CCDC178: variants seen among roughly 807,000 people sequenced by gnomAD.
The protein encoded by CCDC178 is coiled-coil domain-containing protein 178.
A neutral mutation model predicts 117.4 loss-of-function variants in CCDC178; 126 were observed. That is an observed-to-expected ratio of 1.07 (90% confidence interval 0.93 to 1.24). The LOEUF (loss-of-function observed/expected upper bound fraction) is 1.24. Ranked by LOEUF, CCDC178 falls within the 50% of genes most tolerant of loss-of-function variation. The probability of loss-of-function intolerance (pLI) is 0.00; values close to 1 mark genes in which losing one functional copy is unlikely to be tolerated. For synonymous variants in CCDC178, 283 were observed against 313.4 expected (o/e 0.90, Z 1.02); for missense variants, 1,030 against 986.9 (o/e 1.04, Z -0.59).
chr18:33,208,967 A>G (rs1568057224), intron 20 of CCDC178, among the ~76,000 whole-genome samples: 1 of 152,082 alleles, frequency 6.6e-6, no homozygotes, highest in Non-Finnish European at 1.5e-5. Flanking sequence ...AGGGGACAGC[A>G]AATCTATGGA....
chr18:33,039,187 A>T (rs1298648638), intron 21 of CCDC178, among the ~76,000 whole-genome samples: 1 of 152,038 alleles, frequency 6.6e-6, no homozygotes, highest in Non-Finnish European at 1.5e-5. Context: ...AAAACACTTA[A>T]TGGGCTGAGG....
chr18:33,223,232 C>G lies in CCDC178; in HGVS notation c.1819-13G>C, dbSNP rs1484599143. On this transcript the variant is annotated splice_polypyrimidine_tract_variant and intron_variant, in intron 17 of 22. Transcript: ENST00000383096. ...TATTATTAAGCATCTAGAAGACATT[C>G]AGATATTAAGATGTGCAGCATTTGC... 1 of 1,583,812 alleles carries G rather than the reference C, an allele frequency of 6.3e-7. No individual in the cohort carries two copies. Among genetic ancestry groups the G allele is most frequent in the South Asian group, 1.2e-5 (1 of 86,526 alleles).
intron 18 of CCDC178, among the ~76,000 whole-genome samples, chr18:33,218,452 T>C (rs2059193701): frequency 6.6e-6 from 1 of 152,202 alleles, no homozygotes; most frequent in African/African-American, 2.4e-5. Context: ...GCTCTTTAGT[T>C]TAATTAGATC....
At chr18:33,052,134 G>T (rs1459844737) in intron 21 of CCDC178, among the ~76,000 whole-genome samples, 2 of 151,946 alleles carry the variant, frequency 1.3e-5, no homozygotes, top group African/African-American at 4.8e-5. Context: ...TTTTTTTTTA[G>T]AAGAAGCTAA....
intron 7 of CCDC178, among the ~76,000 whole-genome samples, chr18:33,352,920 T>C (rs558100681): frequency 6.6e-6 from 1 of 152,220 alleles, no homozygotes; most frequent in Non-Finnish European, 1.5e-5. Flanking sequence ...TATAAACTGG[T>C]TAGGTCTTGT....
At chr18:33,119,926 A>G (rs901300188) in intron 20 of CCDC178, among the ~76,000 whole-genome samples, 9 of 152,110 alleles carry the variant, frequency 5.9e-5, no homozygotes, top group African/African-American at 2.2e-4. Context: ...TCAGCAAACT[A>G]TCACAAGGAC....
intron 20 of CCDC178, among the ~76,000 whole-genome samples, chr18:33,133,262 GTTA>G (rs992949324): frequency 4.6e-5 from 7 of 151,850 alleles, no homozygotes; most frequent in East Asian, 3.9e-4. Context: ...GACTTTGTAT[GTTA>G]TTATAGAGTT....
At chr18:33,231,482 C>A (rs1310279645) in intron 15 of CCDC178, among the ~76,000 whole-genome samples, 1 of 152,150 alleles carries the variant, frequency 6.6e-6, no homozygotes, top group Non-Finnish European at 1.5e-5. Flanking sequence ...CATTTGTGCT[C>A]ATTATCTAAT....
At chr18:33,355,711 G>A (rs1183122136) in intron 7 of CCDC178, among the ~76,000 whole-genome samples, 2 of 152,130 alleles carry the variant, frequency 1.3e-5, no homozygotes, top group African/African-American at 4.8e-5. Context: ...ATAGCCTCAG[G>A]CTGCTATGGC....
At position 33,151,461 on chromosome 18, in the gene CCDC178, C is replaced by T. The variant is rs1334996919; in HGVS notation, c.2239-58551G>A. ...CGGAAAAGCTTAAATACAAACAAGA[C>T]TTTGCAGAAAACATAAAAAAGCAAA... On this transcript the variant is annotated intron_variant, in intron 20 of 22. Transcript: ENST00000383096. Among the ~76,000 whole-genome samples the T allele has an allele frequency of 1.2e-4, 19 of 152,068 alleles. 1 individual carries two copies. Among genetic ancestry groups the T allele is most frequent in the Admixed American group, 1.2e-3 (19 of 15,278 alleles).
At chr18:33,128,298 A>T (rs1356973771) in intron 20 of CCDC178, among the ~76,000 whole-genome samples, 3 of 152,312 alleles carry the variant, frequency 2.0e-5, no homozygotes, top group African/African-American at 7.2e-5. Context: ...ATAATTTTAT[A>T]ATGCTTTTAA....
chr18:32,998,003 TAAG>T (rs747306039), intron 21 of CCDC178, among the ~76,000 whole-genome samples: 5 of 152,196 alleles, frequency 3.3e-5, no homozygotes, highest in Non-Finnish European at 7.3e-5. Context: ...TGTACCTTCA[TAAG>T]AACCACAAAT....
chr18:33,245,475 C>T (rs1381506290), intron 14 of CCDC178, 47 bp from the exon 15 acceptor site: 3 of 1,302,716 alleles, frequency 2.3e-6, no homozygotes, highest in East Asian at 2.9e-5. Context: ...TATAGTGAGA[C>T]AAACATATTT....
At chr18:33,301,771 T>C (rs774498027) in intron 11 of CCDC178, among the ~76,000 whole-genome samples, 12 of 152,196 alleles carry the variant, frequency 7.9e-5, no homozygotes, top group Non-Finnish European at 1.3e-4. Flanking sequence ...TATACTACCA[T>C]TGCATCTTGG....
intron 20 of CCDC178, among the ~76,000 whole-genome samples, chr18:33,129,295 A>G (rs182024267): frequency 6.6e-6 from 1 of 152,294 alleles, no homozygotes; most frequent in Admixed American, 6.5e-5. Flanking sequence ...CTATAAAGCA[A>G]CACATGCTCT....
intron 20 of CCDC178, among the ~76,000 whole-genome samples, chr18:33,110,896 G>A (rs974590712): frequency 3.3e-5 from 5 of 151,376 alleles, no homozygotes; most frequent in Admixed American, 2.0e-4. Flanking sequence ...ATTTCCTTAG[G>A]CATTTTAGAA....
intron 2 of CCDC178, among the ~76,000 whole-genome samples, chr18:33,423,014 T>C (rs2064051448): frequency 6.6e-6 from 1 of 152,194 alleles, no homozygotes; most frequent in Non-Finnish European, 1.5e-5. Context: ...TGCTTCTTCA[T>C]AGCTAAAGCA....
chr18:33,239,337 A>G (rs377596035), intron 15 of CCDC178, among the ~76,000 whole-genome samples: 28 of 152,164 alleles, frequency 1.8e-4, no homozygotes, highest in African/African-American at 6.5e-4. Flanking sequence ...ACATGACAGG[A>G]TTAATTCCTC....
intron 20 of CCDC178, among the ~76,000 whole-genome samples, chr18:33,187,147 A>G (rs2058806028): frequency 6.6e-6 from 1 of 151,452 alleles, no homozygotes; most frequent in African/African-American, 2.4e-5. Context: ...ACATTTTTAA[A>G]CCATCAGATC....
Sources: allele counts gnomAD v4.1 joint callset (sites outside exome capture counted in the v4.1 genomes callset), GRCh38; gene constraint gnomAD v4.1.1; transcripts MANE v1.5; gene names NCBI Gene and HGNC (gene_info 2026-07-23, HGNC 2026-07-21).